The following FOXN3 variants were observed in gnomAD, a reference collection of about 807,000 sequenced individuals.
FOXN3 encodes the protein forkhead box protein N3.
In FOXN3, 7 loss-of-function variants were observed where a neutral mutation model predicts 38.4. That is an observed-to-expected ratio of 0.18 (90% CI 0.10 to 0.34). FOXN3 has a LOEUF of 0.34. Among genes scored for constraint, FOXN3 ranks in the 10% least tolerant of loss-of-function variants. FOXN3 has a pLI of 1.00. For synonymous variants in FOXN3, 230 were observed against 242.2 expected (o/e 0.95, Z 0.47); for missense variants, 456 against 613.4 (o/e 0.74, Z 2.71).
chr14:89,250,669 A>G (rs1378835485), intron 4 of FOXN3, among the ~76,000 whole-genome samples: 2 of 152,128 alleles, frequency 1.3e-5, no homozygotes, highest in African/African-American at 4.8e-5. Context: ...CCAAACTCAT[A>G]TATGTTCCCG....
chr14:89,215,472 T>A (rs1256482016), intron 4 of FOXN3, among the ~76,000 whole-genome samples: 1 of 152,208 alleles, frequency 6.6e-6, no homozygotes, highest in African/African-American at 2.4e-5. Context: ...CACATCATTA[T>A]ATAAAAGGCT....
intron 1 of FOXN3, among the ~76,000 whole-genome samples, chr14:89,475,924 A>T (rs764041863): frequency 1.3e-5 from 2 of 152,230 alleles, no homozygotes; most frequent in Non-Finnish European, 2.9e-5. Context: ...AAAATCTATT[A>T]AACCTGAACT....
At chr14:89,314,037 G>A (rs914645938) in intron 3 of FOXN3, among the ~76,000 whole-genome samples, 1 of 152,048 alleles carries the variant, frequency 6.6e-6, no homozygotes, top group East Asian at 1.9e-4. Flanking sequence ...TCTAGAGATT[G>A]GTTGCACAAC....
At chr14:89,492,898 C>T (rs1239928413) in intron 1 of FOXN3, among the ~76,000 whole-genome samples, 1 of 152,180 alleles carries the variant, frequency 6.6e-6, no homozygotes, top group East Asian at 1.9e-4. Flanking sequence ...GGGTTCAAGT[C>T]CCTGGTTTAT....
At chr14:89,430,679 T>C (rs866197300) in intron 1 of FOXN3, among the ~76,000 whole-genome samples, 5 of 152,256 alleles carry the variant, frequency 3.3e-5, no homozygotes, top group Admixed American at 6.5e-5. Context: ...TTGATTTTTT[T>C]ATTTTTAAAA....
chr14:89,412,133 G>T lies in FOXN3; in HGVS notation c.344C>A (p.Pro115His). Reference protein sequence around the residue: ...YDARQNPNCKPPYSFSCLIFM... With the variant: ...YDARQNPNCKHPYSFSCLIFM... Reference sequence around the variant, plus strand: ...TATGAGGCAGCTGAAGGAGTAGGGGGGTTTGCAGTTGGGGTTCTGCCTGGC... The same window carrying T: ...TATGAGGCAGCTGAAGGAGTAGGGGTGTTTGCAGTTGGGGTTCTGCCTGGC... The change falls in exon 2 of 6, where the codon CCC becomes CAC. Residue 115 changes from proline (P) to histidine (H), a missense_variant. Pro to His is a moderately conservative substitution (Grantham distance 77). Around this residue, in one of 3 missense-constraint regions of FOXN3, gnomAD observed 386 missense variants for 505.2 expected, o/e 0.76. Coordinates refer to ENST00000557258, the MANE Select transcript of FOXN3 (RefSeq NM_005197.4). The surrounding 1 kb of genome is among the most constrained non-coding windows in gnomAD (Gnocchi z 4.7). 1 of 1,611,508 alleles carries T rather than the reference G, an allele frequency of 6.2e-7. No homozygotes were observed. The highest frequency in any genetic ancestry group is 8.5e-7 in the Non-Finnish European group (1 of 1,178,268).
intron 4 of FOXN3, among the ~76,000 whole-genome samples, chr14:89,235,360 T>C (rs1884947967): frequency 6.6e-6 from 1 of 152,036 alleles, no homozygotes; most frequent in South Asian, 2.1e-4. Context: ...CAAAGTAAAG[T>C]ATAGGAGTGT....
At chr14:89,349,902 T>C (rs181066414) in intron 3 of FOXN3, 11 of 152,364 alleles carry the variant, frequency 7.2e-5, no homozygotes, top group Non-Finnish European at 1.5e-5. Context: ...GTGGTTACGA[T>C]AGAAACATTT....
intron 3 of FOXN3, among the ~76,000 whole-genome samples, chr14:89,289,508 C>G (rs1286860928): frequency 6.6e-6 from 1 of 152,164 alleles, no homozygotes; most frequent in African/African-American, 2.4e-5. Context: ...ACTGTTTCCT[C>G]CCATCAATCT....
chr14:89,199,790 G>A (rs1888189170), intron 4 of FOXN3, among the ~76,000 whole-genome samples: 1 of 152,014 alleles, frequency 6.6e-6, no homozygotes, highest in Non-Finnish European at 1.5e-5. Flanking sequence ...TGTAGTCCCA[G>A]CTACTTGGGA....
chr14:89,241,838 G>T (rs975868990), intron 4 of FOXN3, among the ~76,000 whole-genome samples: 7 of 152,160 alleles, frequency 4.6e-5, no homozygotes, highest in Non-Finnish European at 1.0e-4. Context: ...AGAAAATGGG[G>T]CTCTGTTTGG....
At chr14:89,599,413 T>C (rs1896115939) in intron 1 of FOXN3, among the ~76,000 whole-genome samples, 1 of 152,218 alleles carries the variant, frequency 6.6e-6, no homozygotes, top group Admixed American at 6.5e-5. Context: ...AAGGTCCATT[T>C]GGTCTTATTT....
chr14:89,221,158 T>C (rs1426301771), intron 4 of FOXN3, among the ~76,000 whole-genome samples: 1 of 152,154 alleles, frequency 6.6e-6, no homozygotes, highest in Non-Finnish European at 1.5e-5. Flanking sequence ...TACCACTAAA[T>C]GTAGCGTGGA....
chr14:89,185,736 A>G (rs975929929), intron 4 of FOXN3: 3 of 152,254 alleles, frequency 2.0e-5, no homozygotes, highest in Admixed American at 1.3e-4. Context: ...AGGATGAGGG[A>G]CATTGGCGCC....
chr14:89,343,627 G>GTTTTTTTT (rs34453491), intron 3 of FOXN3, among the ~76,000 whole-genome samples: 4 of 140,636 alleles, frequency 2.8e-5, no homozygotes, highest in Non-Finnish European at 6.1e-5. Flanking sequence ...AATGTGTGTG[G>GTTTTTTTT]TTTTTTTTTT....
chr14:89,233,070 A>T (rs1884866453), intron 4 of FOXN3, among the ~76,000 whole-genome samples: 1 of 152,232 alleles, frequency 6.6e-6, no homozygotes, highest in South Asian at 2.1e-4. Context: ...TAGAAATTAC[A>T]TTCGAGGGCA....
rs1320539709 is a variant in FOXN3, at chr14:89,158,281, G to C, written c.*4133C>G. 1 of 152,344 alleles carries C rather than the reference G, an allele frequency of 6.6e-6. No individual in the cohort carries two copies. Among genetic ancestry groups the C allele is most frequent in the Non-Finnish European group, 1.5e-5 (1 of 68,124 alleles). 9.4% of individuals were successfully genotyped at this position (152,344 alleles called of 1,614,324 possible). A position where few individuals can be genotyped will look rare whatever the true frequency, so the allele number is the denominator to read the frequency against. On this transcript the variant is annotated 3_prime_UTR_variant, in exon 6 of 6. Transcript: ENST00000557258. ...TGGTTCTCACTCTACAGAGCCCACT[G>C]CCTGATGCTGTCCCTCAGGCAGGAG...
At chr14:89,437,561 A>AG (rs1892297857) in intron 1 of FOXN3, among the ~76,000 whole-genome samples, 1 of 152,218 alleles carries the variant, frequency 6.6e-6, no homozygotes, top group South Asian at 2.1e-4. Flanking sequence ...ATTCCCAGAC[A>AG]GTTAAGGCAT....
intron 4 of FOXN3, among the ~76,000 whole-genome samples, chr14:89,194,146 A>C (rs1888036759): frequency 6.6e-6 from 1 of 152,104 alleles, no homozygotes; most frequent in East Asian, 1.9e-4. Context: ...TCAGTTTCTT[A>C]AGAGTGTCTT....
Sources: gnomAD v4.1 joint callset for allele counts (sites outside exome capture counted in the v4.1 genomes callset) on GRCh38, gnomAD v4.1.1 for gene constraint, gnomAD v4.1.1 regional missense constraint, Gnocchi (gnomAD v3.1) non-coding constraint, MANE v1.5 for transcripts, NCBI Gene and HGNC (gene_info 2026-07-23, HGNC 2026-07-21) for gene names.